Variants in SPEF2 observed in about 807,000 individuals in gnomAD.
SPEF2 encodes sperm flagella and cilia-associated protein 2.
SPEF2 carries 187 observed loss-of-function variants against 224.6 expected under a neutral mutation model. The ratio of observed to expected loss-of-function variants is 0.83; its 90% CI spans 0.74 to 0.94. SPEF2 has a LOEUF of 0.94. Ranked by LOEUF, SPEF2 falls within the 40% of genes least tolerant of loss-of-function variation. SPEF2 has a pLI of 0.00. For synonymous variants in SPEF2, 715 were observed against 707.3 expected (o/e 1.01, Z -0.17); for missense variants, 2,170 against 2,135.6 (o/e 1.02, Z -0.32).
intron 27 of SPEF2, among the ~76,000 whole-genome samples, chr5:35,772,819 A>G (rs1035991225): frequency 6.6e-6 from 1 of 152,190 alleles, no homozygotes; most frequent in African/African-American, 2.4e-5. Flanking sequence ...TCTCTCCTTC[A>G]TCTGTAACTT....
At chr5:35,725,052 G>A (rs1437235138) in intron 20 of SPEF2, among the ~76,000 whole-genome samples, 1 of 152,162 alleles carries the variant, frequency 6.6e-6, no homozygotes, top group Non-Finnish European at 1.5e-5. Context: ...TTCCCTCCAT[G>A]AGCTTTTTCA....
At chr5:35,630,646 A>C (rs1406275107) in intron 2 of SPEF2, among the ~76,000 whole-genome samples, 1 of 152,072 alleles carries the variant, frequency 6.6e-6, no homozygotes, top group Non-Finnish European at 1.5e-5. Context: ...CAGTGAGCCG[A>C]GATTGGGCCA....
rs777092988 is a variant in SPEF2, at chr5:35,740,258, A to G, written c.3321A>G (p.Gln1107=). 7 of 1,614,082 alleles carry G rather than the reference A, an allele frequency of 4.3e-6. No individual in the cohort carries two copies. The highest frequency in any genetic ancestry group is 1.3e-5 in the African/African-American group (1 of 75,040). The change falls in exon 23 of 37, where the codon CAA becomes CAG. Residue 1107 remains glutamine (Q), a synonymous_variant. Transcript: ENST00000356031. ...DDEETKAELH[Q]RVNDLRDRLW... ...AGGAAACAAAGGCTGAACTACATCA[A>G]CGAGTGAATGTAAGGAAATAGTGAC...
rs1268307772 is a variant in SPEF2, at chr5:35,779,097, A to T, written c.4218-20A>T. ...TAGTATCTTTCATGGGGTTAACGCT[A>T]TCCATTTTACCACTTTCAGTACAGA... On this transcript the variant is annotated intron_variant, in intron 29 of 36. Coordinates refer to ENST00000356031, the MANE Select transcript of SPEF2 (RefSeq NM_024867.4). 6.3e-7 allele frequency: 1 copy of T among 1,580,544 alleles called. No individual in the cohort carries two copies. Among genetic ancestry groups the T allele is most frequent in the Admixed American group, 1.7e-5 (1 of 58,862 alleles).
chr5:35,664,597 T>A (rs1750188436), intron 8 of SPEF2, among the ~76,000 whole-genome samples: 1 of 151,738 alleles, frequency 6.6e-6, no homozygotes, highest in Non-Finnish European at 1.5e-5. Context: ...GGAGAATTGC[T>A]TGAACCCAGG....
At chr5:35,734,220 T>C (rs530436067) in intron 21 of SPEF2, among the ~76,000 whole-genome samples, 48 of 152,292 alleles carry the variant, frequency 3.2e-4, no homozygotes, top group African/African-American at 1.0e-3. Context: ...GTCATCTTTC[T>C]CCAGTCCTAC....
At chr5:35,734,283 G>A (rs1226128547) in intron 21 of SPEF2, among the ~76,000 whole-genome samples, 5 of 152,132 alleles carry the variant, frequency 3.3e-5, no homozygotes, top group Non-Finnish European at 7.3e-5. Flanking sequence ...CGTTACATAT[G>A]CCAAGAACAT....
chr5:35,682,950 G>A (rs905295285), intron 10 of SPEF2, among the ~76,000 whole-genome samples: 1 of 152,146 alleles, frequency 6.6e-6, no homozygotes, highest in African/African-American at 2.4e-5. Flanking sequence ...TGGACACACG[G>A]GAGCTTAAGC....
Position 35,793,167 on chromosome 5 carries a change from A to G in SPEF2, c.4563A>G (p.Glu1521=). The G allele has an allele frequency of 6.2e-7, 1 of 1,613,828 alleles. No individual in the cohort carries two copies. Among genetic ancestry groups the G allele is most frequent in the East Asian group, 2.2e-5 (1 of 44,886 alleles). The change falls in exon 32 of 37, where the codon GAA becomes GAG. Residue 1521 remains glutamate, a synonymous_variant. Coordinates refer to ENST00000356031, the MANE Select transcript of SPEF2 (RefSeq NM_024867.4). The part of the protein sequence containing the change: ...WMHLTQPELQ[E]LTSLLTVNSE... ...TTCCTGTTTTCTTCTAGTTACAGGAATTAACATCTTTATTAACAGTCAACT... is the reference window on the plus strand; with the variant it reads ...TTCCTGTTTTCTTCTAGTTACAGGAGTTAACATCTTTATTAACAGTCAACT...
chr5:35,664,718 G>GA, intron 8 of SPEF2, among the ~76,000 whole-genome samples: 3 of 145,340 alleles, frequency 2.1e-5, no homozygotes, highest in African/African-American at 8.1e-5. Context: ...GAGAGAGAGA[G>GA]GGAGGGAGAG....
At chr5:35,638,468 C>CT (rs1201512315) in intron 2 of SPEF2, among the ~76,000 whole-genome samples, 1 of 152,062 alleles carries the variant, frequency 6.6e-6, no homozygotes, top group Non-Finnish European at 1.5e-5. Context: ...TGCCTTGCAC[C>CT]TTTGCAAATT....
chr5:35,788,834 G>T (rs1755555962), intron 30 of SPEF2: 1 of 702,772 alleles, frequency 1.4e-6, no homozygotes, highest in African/African-American at 1.7e-5. Flanking sequence ...TGATGTCAAA[G>T]ACCTCCTTCA....
At chr5:35,639,945 T>G (rs940282268) in intron 2 of SPEF2, among the ~76,000 whole-genome samples, 2 of 152,144 alleles carry the variant, frequency 1.3e-5, no homozygotes, top group Non-Finnish European at 2.9e-5. Context: ...AAGAGTAGGC[T>G]TCCACCAATT....
intron 10 of SPEF2, chr5:35,683,946 G>A (rs973950653): frequency 1.2e-4 from 18 of 152,170 alleles, no homozygotes; most frequent in African/African-American, 3.1e-4. Flanking sequence ...AGAGTATCTC[G>A]TTAAAGCAAT....
chr5:35,664,720 G>A (rs1474654773), intron 8 of SPEF2, among the ~76,000 whole-genome samples: 1 of 146,042 alleles, frequency 6.8e-6, no homozygotes, highest in Non-Finnish European at 1.5e-5. Context: ...GAGAGAGAGG[G>A]AGGGAGAGAG....
At chr5:35,673,799 C>T (rs982296790) in intron 10 of SPEF2, among the ~76,000 whole-genome samples, 3 of 152,126 alleles carry the variant, frequency 2.0e-5, no homozygotes, top group Admixed American at 2.0e-4. Context: ...TTATGATTTT[C>T]CGTCAACCAG....
chr5:35,715,102 A>G (rs1481492088), intron 20 of SPEF2, among the ~76,000 whole-genome samples: 1 of 151,970 alleles, frequency 6.6e-6, no homozygotes, highest in East Asian at 1.9e-4. Flanking sequence ...TTTTTTGTAG[A>G]GATGGGGTTT....
rs747726378 is a variant in SPEF2, at chr5:35,705,663, C to G, written c.2520C>G (p.Phe840Leu). The G allele has an allele frequency of 6.3e-7, 1 of 1,581,388 alleles. No homozygotes were observed. The highest frequency in any genetic ancestry group is 2.3e-5 in the East Asian group (1 of 44,152). Residue 840 changes from phenylalanine (F) to leucine (L), a missense_variant, in exon 18 of 37, where the codon TTC becomes TTG. Phe to Leu is a conservative substitution (Grantham distance 22, BLOSUM62 0). Coordinates refer to ENST00000356031, the MANE Select transcript of SPEF2 (RefSeq NM_024867.4). ...TTTGATTTTGCAGAATTATAGGCTT[C>G]TTGGACAACTGGCCTTTATTGGAGC... ...RDQIQHRIIGFLDNWPLLEQW... is the reference protein window; with the variant it reads ...RDQIQHRIIGLLDNWPLLEQW...
chr5:35,806,791 G>T lies in SPEF2; in HGVS notation c.5095G>T (p.Asp1699Tyr). Reference sequence around the variant, plus strand: ...AAGAGAAGAAAGGAAATTAAAAGACGACACGGAGAAAAGGGAACAGAAGGA... The same window carrying T: ...AAGAGAAGAAAGGAAATTAAAAGACTACACGGAGAAAAGGGAACAGAAGGA... ...AAREERKLKD[D>Y]TEKREQKDEE... Residue 1699 changes from aspartate to tyrosine, a missense_variant, in exon 35 of 37, where the codon GAC becomes TAC. Transcript: ENST00000356031. 8.1e-6 allele frequency: 13 copies of T among 1,613,822 alleles called. No individual in the cohort carries two copies. Among genetic ancestry groups the T allele is most frequent in the Non-Finnish European group, 9.3e-6 (11 of 1,179,914 alleles).
Sources: gnomAD v4.1 joint callset for allele counts (sites outside exome capture counted in the v4.1 genomes callset) on GRCh38, gnomAD v4.1.1 for gene constraint, MANE v1.5 for transcripts, NCBI Gene and HGNC (gene_info 2026-07-23, HGNC 2026-07-21) for gene names.